DPH5: variants seen among roughly 807,000 people sequenced by gnomAD.
DPH5 encodes the protein diphthamide biosynthesis 5, also known as diphthine methyl ester synthase.
In DPH5, 31 loss-of-function variants were observed where a neutral mutation model predicts 31.6. That is an observed-to-expected ratio of 0.98 (90% CI 0.74 to 1.32). The LOEUF (loss-of-function observed/expected upper bound fraction) is 1.32. DPH5 is among the 40% of genes most tolerant of loss of function. The pLI, the probability that DPH5 is intolerant of heterozygous loss-of-function variation, is 0.00. For missense variants in DPH5, 309 were observed against 335.7 expected, an observed-to-expected ratio of 0.92 and a Z score of 0.62; for synonymous variants, 120 against 115.0, an observed-to-expected ratio of 1.04 and a Z score of -0.28.
intron 3 of DPH5, among the ~76,000 whole-genome samples, chr1:101,016,381 A>G (rs1660078163): frequency 6.6e-6 from 1 of 151,938 alleles, no homozygotes; most frequent in Admixed American, 6.6e-5. Context: ...CTTTGCATAC[A>G]TAACTTGGCT....
At chr1:101,000,021 C>T (rs1277160539) in intron 5 of DPH5, among the ~76,000 whole-genome samples, 1 of 151,826 alleles carries the variant, frequency 6.6e-6, no homozygotes, top group Non-Finnish European at 1.5e-5. Flanking sequence ...GTGGCATGAA[C>T]CTGTAGTCCT....
Position 101,001,495 on chromosome 1 carries a change from T to C in DPH5, c.462A>G (p.Gln154=), listed in dbSNP as rs781044941. Residue 154 remains glutamine (Q), a synonymous_variant, in exon 5 of 8, where the codon CAA becomes CAG. Transcript: ENST00000370109. ...GTAAACATAATGTGTGCATGCCATTTTGTCTGTTCTTCTTCACTTTGTCAA... is the reference window on the plus strand; with the variant it reads ...GTAAACATAATGTGTGCATGCCATTCTGTCTGTTCTTCTTCACTTTGTCAA... The part of the protein sequence containing the change: ...SFFDKVKKNR[Q]NGMHTLCLLD... 1 of 1,613,826 alleles carries C rather than the reference T, an allele frequency of 6.2e-7. No homozygotes were observed. Among genetic ancestry groups the C allele is most frequent in the Non-Finnish European group, 8.5e-7 (1 of 1,179,826 alleles).
At chr1:101,005,766 G>A (rs1053723723) in intron 4 of DPH5, among the ~76,000 whole-genome samples, 2 of 152,176 alleles carry the variant, frequency 1.3e-5, no homozygotes. Flanking sequence ...AGAATGCAAT[G>A]GCAGATAGGA....
At chr1:101,003,578 A>T (rs1010407562) in intron 4 of DPH5, among the ~76,000 whole-genome samples, 3 of 152,244 alleles carry the variant, frequency 2.0e-5, no homozygotes, top group Non-Finnish European at 4.4e-5. Context: ...TAATAACTGT[A>T]AACATAAAAA....
chr1:101,004,609 C>T (rs1252607421), intron 4 of DPH5, among the ~76,000 whole-genome samples: 3 of 152,156 alleles, frequency 2.0e-5, no homozygotes, highest in Non-Finnish European at 4.4e-5. Context: ...AACATCCACT[C>T]ATTAGGCATA....
intron 5 of DPH5, 135 bp from the exon 6 acceptor site, chr1:100,995,284 C>G (rs1199095991): frequency 1.8e-6 from 1 of 551,876 alleles, no homozygotes; most frequent in Non-Finnish European, 3.2e-6. Flanking sequence ...CACTTTCTTA[C>G]AGTAACATAG....
intron 4 of DPH5, among the ~76,000 whole-genome samples, chr1:101,009,780 G>C (rs1045193008): frequency 2.0e-5 from 3 of 152,118 alleles, no homozygotes; most frequent in African/African-American, 7.2e-5. Flanking sequence ...TCCTAATGTT[G>C]AATGAGAGCC....
intron 4 of DPH5, among the ~76,000 whole-genome samples, chr1:101,012,265 T>C (rs990226269): frequency 6.6e-6 from 1 of 152,216 alleles, no homozygotes; most frequent in African/African-American, 2.4e-5. Flanking sequence ...TATTTTGTTG[T>C]TGTTTTTCTG....
At chr1:101,000,477 T>C (rs972922089) in intron 5 of DPH5, among the ~76,000 whole-genome samples, 1 of 152,198 alleles carries the variant, frequency 6.6e-6, no homozygotes. Flanking sequence ...AACCCAACCA[T>C]GGTTCTTTAC....
chr1:101,004,722 T>C (rs1401610367), intron 4 of DPH5, among the ~76,000 whole-genome samples: 6 of 152,174 alleles, frequency 3.9e-5, no homozygotes, highest in Non-Finnish European at 7.4e-5. Flanking sequence ...ATTCAGCATT[T>C]CCCCCACTAA....
intron 5 of DPH5, among the ~76,000 whole-genome samples, chr1:100,997,684 G>C (rs1479872347): frequency 6.6e-6 from 1 of 152,010 alleles, no homozygotes; most frequent in Non-Finnish European, 1.5e-5. Flanking sequence ...ATTTTTAATG[G>C]ATATATGGGG....
chr1:100,994,238 G>A (rs1454233685), intron 6 of DPH5, among the ~76,000 whole-genome samples: 1 of 151,532 alleles, frequency 6.6e-6, no homozygotes. Flanking sequence ...AAAATTTATG[G>A]TTTTAACAGT....
chr1:100,997,882 G>A (rs1316308388), intron 5 of DPH5, among the ~76,000 whole-genome samples: 1 of 152,106 alleles, frequency 6.6e-6, no homozygotes, highest in African/African-American at 2.4e-5. Context: ...CATCTACTTT[G>A]ACCTTCTACC....
At chr1:101,002,322 T>C (rs1658929079) in intron 4 of DPH5, among the ~76,000 whole-genome samples, 1 of 152,196 alleles carries the variant, frequency 6.6e-6, no homozygotes, top group South Asian at 2.1e-4. Context: ...ATTTCAAATC[T>C]TATGTGAGAA....
chr1:101,025,726 T>A lies in DPH5; in HGVS notation c.-67A>T. The A allele has an allele frequency of 2.7e-6, 1 of 373,074 alleles. No homozygotes were observed. Among genetic ancestry groups the A allele is most frequent in the South Asian group, 3.6e-5 (1 of 27,584 alleles). 23.1% of individuals were successfully genotyped at this position (373,074 alleles called of 1,614,324 possible). On this transcript the variant is annotated 5_prime_UTR_variant, in exon 1 of 8. The change creates a new upstream start codon in the 5' untranslated region. Coordinates refer to ENST00000370109, the MANE Select transcript of DPH5 (RefSeq NM_015958.3). ...GTAGTTCTCTGGCCTTTACAAATTCTTAACTACCACCTTTCCGCAGAAGCA... is the reference window on the plus strand; with the variant it reads ...GTAGTTCTCTGGCCTTTACAAATTCATAACTACCACCTTTCCGCAGAAGCA...
intron 3 of DPH5, among the ~76,000 whole-genome samples, chr1:101,018,486 G>T (rs1218158914): frequency 2.0e-5 from 3 of 152,080 alleles, no homozygotes; most frequent in Non-Finnish European, 4.4e-5. Flanking sequence ...CAATCCACCC[G>T]CCTCAGCCTC....
At position 100,994,637 on chromosome 1, in the gene DPH5, G is replaced by C. The variant is rs999351831; in HGVS notation, c.530+473C>G. Reference sequence around the variant, plus strand: ...TGCCTCCCAGATTCAAGCGATTCTCGTGCCTCAACCTCCCAAGTAGCTGAG... The same window carrying C: ...TGCCTCCCAGATTCAAGCGATTCTCCTGCCTCAACCTCCCAAGTAGCTGAG... On this transcript the variant is annotated intron_variant, in intron 6 of 7. Transcript: ENST00000370109. 4.7e-5 allele frequency among the ~76,000 whole-genome samples: 7 copies of C among 150,440 alleles called. No homozygotes were observed. The South Asian group carries it at 1.5e-3, about 32-fold the overall frequency.
intron 6 of DPH5, among the ~76,000 whole-genome samples, chr1:100,993,548 T>A (rs1487370452): frequency 1.5e-5 from 1 of 67,852 alleles, no homozygotes; most frequent in Non-Finnish European, 3.0e-5. Context: ...CAAGACTCTG[T>A]CGAAAATATA....
chr1:100,991,293 C>T (rs368845424), intron 7 of DPH5, among the ~76,000 whole-genome samples: 1 of 152,152 alleles, frequency 6.6e-6, no homozygotes, highest in African/African-American at 2.4e-5. Context: ...AAAGAGCTGA[C>T]CCTTTAATGG....
Sources: allele counts gnomAD v4.1 joint callset (sites outside exome capture counted in the v4.1 genomes callset), GRCh38; gene constraint gnomAD v4.1.1; transcripts MANE v1.5; gene names NCBI Gene and HGNC (gene_info 2026-07-23, HGNC 2026-07-21).